Variants in PPIG observed in about 807,000 individuals in gnomAD.
The protein encoded by PPIG is peptidyl-prolyl cis-trans isomerase G.
A neutral mutation model predicts 87.9 loss-of-function variants in PPIG; 26 were observed. The observed-to-expected ratio is 0.30, with a 90% CI of 0.22 to 0.41. The LOEUF (loss-of-function observed/expected upper bound fraction) is 0.41. PPIG is among the 10% of genes least tolerant of loss of function. The pLI, the probability that PPIG is intolerant of heterozygous loss-of-function variation, is 1.00. For synonymous variants in PPIG, 308 were observed against 276.5 expected, an observed-to-expected ratio of 1.11 and a Z score of -1.13; for missense variants, 722 against 879.4, an observed-to-expected ratio of 0.82 and a Z score of 2.26.
intron 1 of PPIG, among the ~76,000 whole-genome samples, chr2:169,597,243 C>T (rs188671653): frequency 9.9e-5 from 15 of 152,122 alleles, no homozygotes; most frequent in East Asian, 9.6e-4. Context: ...GCCCTCTTTT[C>T]CAGTTACCCA....
chr2:169,598,262 GTGTAAGCCACTGCATC>G (rs1559176360), intron 1 of PPIG, among the ~76,000 whole-genome samples: 2 of 152,080 alleles, frequency 1.3e-5, no homozygotes, highest in Non-Finnish European at 2.9e-5. Flanking sequence ...GCCTTCTAAA[GTGTAAGCCACTGCATC>G]TAGCCTTTTA....
At chr2:169,588,973 A>C (rs1418935974) in intron 1 of PPIG, among the ~76,000 whole-genome samples, 1 of 151,858 alleles carries the variant, frequency 6.6e-6, no homozygotes, top group Non-Finnish European at 1.5e-5. Flanking sequence ...AAAAAAAAAA[A>C]AAAAAAAAAA....
chr2:169,636,946 G>C lies in PPIG; in HGVS notation c.1688G>C (p.Arg563Thr). The C allele has an allele frequency of 6.2e-7, 1 of 1,613,976 alleles. No homozygotes were observed. The highest frequency in any genetic ancestry group is 8.5e-7 in the Non-Finnish European group (1 of 1,179,958). Residue 563 changes from arginine to threonine, a missense_variant, in exon 14 of 14, where the codon AGA becomes ACA. Coordinates refer to ENST00000260970, the MANE Select transcript of PPIG (RefSeq NM_004792.3). ...KGKHSYNSRTRERSRSRDRSR... is the reference protein window; with the variant it reads ...KGKHSYNSRTTERSRSRDRSR... ...AAACACAGTTATAATAGCAGAACAA[G>C]AGAACGAAGCAGAAGTAGGGACAGA...
At chr2:169,597,030 A>G (rs1268209389) in intron 1 of PPIG, among the ~76,000 whole-genome samples, 1 of 124,612 alleles carries the variant, frequency 8.0e-6, no homozygotes, top group Non-Finnish European at 1.8e-5. Context: ...TAATCTGTTG[A>G]TAGATACTTA....
In PPIG at chr2:169,636,663, A is replaced by G. The variant is rs1241941215; in HGVS notation, c.1405A>G (p.Lys469Glu). 1 of 1,603,084 alleles carries G rather than the reference A, an allele frequency of 6.2e-7. No homozygotes were observed. The highest frequency in any genetic ancestry group is 2.2e-5 in the East Asian group (1 of 44,798). ...KSRSKSKEKS[K>E]SKERDSKHNR... Reference sequence around the variant, plus strand: ...TAGGAGTAAGAGCAAAGAGAAATCAAAGAGTAAAGAAAGAGATTCAAAACA... The same window carrying G: ...TAGGAGTAAGAGCAAAGAGAAATCAGAGAGTAAAGAAAGAGATTCAAAACA... Residue 469 changes from lysine to glutamate, a missense_variant, in exon 14 of 14, where the codon AAG (lysine) becomes GAG (glutamate). By Grantham distance (56) the Lys-to-Glu change is moderately conservative (BLOSUM62 1). This residue lies in a region of PPIG where 476 missense variants were observed against 483.1 expected (regional missense o/e 0.99). Transcript: ENST00000260970.
intron 1 of PPIG, among the ~76,000 whole-genome samples, chr2:169,598,449 C>A (rs949512693): frequency 2.0e-5 from 3 of 152,074 alleles, no homozygotes; most frequent in Non-Finnish European, 2.9e-5. Flanking sequence ...TGCCACCACA[C>A]CCGGCTAATT....
At chr2:169,609,390 T>C (rs1254827179) in intron 7 of PPIG, among the ~76,000 whole-genome samples, 1 of 152,018 alleles carries the variant, frequency 6.6e-6, no homozygotes, top group African/African-American at 2.4e-5. Context: ...TTTAATTTTT[T>C]TGTAGAGACG....
chr2:169,598,044 A>G (rs1472828107), intron 1 of PPIG, among the ~76,000 whole-genome samples: 2 of 148,934 alleles, frequency 1.3e-5, no homozygotes, highest in Non-Finnish European at 3.0e-5. Context: ...TCTGTCGCCC[A>G]ATCTGGAGTG....
intron 9 of PPIG, among the ~76,000 whole-genome samples, chr2:169,630,266 T>C (rs532230569): frequency 6.4e-4 from 98 of 152,268 alleles, no homozygotes; most frequent in Non-Finnish European, 1.2e-3. Flanking sequence ...CTTCCCTCTG[T>C]TATGAGTCTC....
At chr2:169,622,882 T>G (rs1685793964) in intron 9 of PPIG, among the ~76,000 whole-genome samples, 1 of 152,224 alleles carries the variant, frequency 6.6e-6, no homozygotes, top group East Asian at 1.9e-4. Context: ...ATTGTAACAC[T>G]GTGGTATTTA....
At chr2:169,634,811 A>C (rs547323380) in intron 12 of PPIG, among the ~76,000 whole-genome samples, 39 of 152,150 alleles carry the variant, frequency 2.6e-4, no homozygotes, top group Non-Finnish European at 5.1e-4. Flanking sequence ...ACTCCATCAT[A>C]TTGTCTGAGC....
rs201633327 is a variant in PPIG, at chr2:169,636,112, A to G, written c.1038A>G (p.Arg346=). ...RGPRRYRTPS[R]SRSRDRFRRS... is the part of the protein sequence containing the mutation. ...TTTAGCGTTATCGAACTCCTTCCAGATCCAGATCAAGGGATCGTTTCAGAC... is the reference window on the plus strand; with the variant it reads ...TTTAGCGTTATCGAACTCCTTCCAGGTCCAGATCAAGGGATCGTTTCAGAC... Residue 346 remains arginine, a synonymous_variant, in exon 13 of 14, where the codon AGA becomes AGG. Transcript: ENST00000260970. 1 of 1,603,964 alleles carries G rather than the reference A, an allele frequency of 6.2e-7. No homozygotes were observed. Among genetic ancestry groups the G allele is most frequent in the African/African-American group, 1.3e-5 (1 of 74,302 alleles).
rs757114325 is a variant in PPIG, at chr2:169,637,263, C to T, written c.2005C>T (p.Arg669Cys). ...ESEKRMYSKS[R>C]DHNSSNNSRE... ...TGAGAAAAGAATGTACTCTAAAAGT[C>T]GTGATCATAATAGCTCAAATAACAG... The change falls in exon 14 of 14, where the codon CGT (arginine) becomes TGT (cysteine). Residue 669 changes from arginine (R) to cysteine (C), a missense_variant. Around this residue, in one of 4 missense-constraint regions of PPIG, gnomAD observed 476 missense variants for 483.1 expected, o/e 0.99. Transcript: ENST00000260970. 22 of 1,612,412 alleles carry T rather than the reference C, an allele frequency of 1.4e-5. No individual in the cohort carries two copies. The highest frequency in any genetic ancestry group is 7.7e-5 in the South Asian group (7 of 90,806).
At position 169,637,091 on chromosome 2, in the gene PPIG, A is replaced by G. The variant is rs1486826858; in HGVS notation, c.1833A>G (p.Thr611=). 1 of 1,613,156 alleles carries G rather than the reference A, an allele frequency of 6.2e-7. No homozygotes were observed. The highest frequency in any genetic ancestry group is 8.5e-7 in the Non-Finnish European group (1 of 1,179,648). ...RGRSRSRERR[T]PPGRSRSKDR... ...GGTCACGAAGCCGAGAGAGAAGAAC[A>G]CCACCAGGAAGATCAAGAAGTAAAG... The change falls in exon 14 of 14, where the codon ACA becomes ACG. Residue 611 remains threonine (T), a synonymous_variant. Transcript: ENST00000260970.
intron 12 of PPIG, among the ~76,000 whole-genome samples, chr2:169,634,698 G>T (rs1294168703): frequency 6.6e-6 from 1 of 152,148 alleles, no homozygotes; most frequent in Non-Finnish European, 1.5e-5. Flanking sequence ...ACTATGGTAA[G>T]ATACATGAAT....
intron 1 of PPIG, among the ~76,000 whole-genome samples, chr2:169,596,978 A>G (rs766651794): frequency 5.3e-5 from 8 of 152,188 alleles, no homozygotes; most frequent in Non-Finnish European, 1.2e-4. Flanking sequence ...CTGAGATTAC[A>G]GGCGGGAGCC....
Position 169,637,486 on chromosome 2 carries a change from A to C in PPIG, c.2228A>C (p.Glu743Ala). 1 of 1,603,152 alleles carries C rather than the reference A, an allele frequency of 6.2e-7. No homozygotes were observed. Among genetic ancestry groups the C allele is most frequent in the Non-Finnish European group, 8.5e-7 (1 of 1,177,642 alleles). Residue 743 changes from glutamate to alanine, a missense_variant, in exon 14 of 14, where the codon GAA becomes GCA. Transcript: ENST00000260970. ...GAAAAAAATAAAAAATTTGATCATG[A>C]ATCAAGCCCTGGAACAGATGAAGAC... ...VHEKNKKFDH[E>A]SSPGTDEDKS...
chr2:169,587,327 C>G (rs371727031), intron 1 of PPIG, among the ~76,000 whole-genome samples: 1 of 151,940 alleles, frequency 6.6e-6, no homozygotes, highest in Non-Finnish European at 1.5e-5. Context: ...CTGCAACCTC[C>G]GCCTCCCGGG....
rs1264630306 is a variant in PPIG at position 169,637,151 on chromosome 2, A to C, written c.1893A>C (p.Ser631=). 6.2e-7 allele frequency: 1 copy of C among 1,612,606 alleles called. No individual in the cohort carries two copies. The highest frequency in any genetic ancestry group is 1.3e-5 in the African/African-American group (1 of 74,840). The change falls in exon 14 of 14, where the codon TCA becomes TCC. Residue 631 remains serine (S), a synonymous_variant. Coordinates refer to ENST00000260970, the MANE Select transcript of PPIG (RefSeq NM_004792.3). Reference sequence around the variant, plus strand: ...GAAGGAGGAGAGACTCACGGAGCTCAGAGAGAGAAGAAAGTCAAAGCAGAA... The same window carrying C: ...GAAGGAGGAGAGACTCACGGAGCTCCGAGAGAGAAGAAAGTCAAAGCAGAA... ...RRRRRRDSRS[S]EREESQSRNK...
Sources: gnomAD v4.1 joint callset for allele counts (sites outside exome capture counted in the v4.1 genomes callset) on GRCh38, gnomAD v4.1.1 for gene constraint, gnomAD v4.1.1 regional missense constraint, MANE v1.5 for transcripts, NCBI Gene and HGNC (gene_info 2026-07-23, HGNC 2026-07-21) for gene names.